FANK1: variants seen among roughly 807,000 people sequenced by gnomAD.
The protein encoded by FANK1 is fibronectin type III and ankyrin repeat domains 1, also known as fibronectin type 3 and ankyrin repeat domains protein 1.
FANK1 carries 44 observed loss-of-function variants against 45.3 expected under a neutral mutation model. That is an observed-to-expected ratio of 0.97 (90% CI 0.76 to 1.25). The LOEUF (loss-of-function observed/expected upper bound fraction) is 1.25, where lower values mean the gene tolerates loss of function less well. Ranked by LOEUF, FANK1 falls within the 50% of genes most tolerant of loss-of-function variation. The pLI, the probability that FANK1 is intolerant of heterozygous loss-of-function variation, is 0.00. For synonymous variants in FANK1, 149 were observed against 152.5 expected (o/e 0.98, Z 0.17); for missense variants, 391 against 424.4 (o/e 0.92, Z 0.69).
intron 1 of FANK1, among the ~76,000 whole-genome samples, chr10:125,954,092 G>GCT (rs1554930191): frequency 2.7e-5 from 4 of 149,626 alleles, no homozygotes; most frequent in South Asian, 4.3e-4. Context: ...TGTGGAGTTG[G>GCT]ACCGTACAAT....
At chr10:125,942,863 G>T in intron 1 of FANK1, among the ~76,000 whole-genome samples, 1 of 143,402 alleles carries the variant, frequency 7.0e-6, no homozygotes, top group African/African-American at 2.6e-5. Context: ...ACCCAGGCTA[G>T]AGTGCAATGG....
At chr10:125,971,493 T>C (rs556437965) in intron 1 of FANK1, among the ~76,000 whole-genome samples, 9 of 151,908 alleles carry the variant, frequency 5.9e-5, no homozygotes, top group Non-Finnish European at 1.0e-4. Context: ...ATTGTCTCAC[T>C]TTTTCTGACC....
Position 125,977,347 on chromosome 10 carries a change from G to T in FANK1, c.14-2814G>T, listed in dbSNP as rs368874194. 1.9e-4 allele frequency among the ~76,000 whole-genome samples: 29 copies of T among 152,268 alleles called. No homozygotes were observed. The East Asian group carries it at 5.6e-3, about 29-fold the overall frequency. On this transcript the variant is annotated intron_variant, in intron 1 of 10. Transcript: ENST00000368693. Reference sequence around the variant, plus strand: ...CTTGTTGTCTCTGGTTTCAGAGGGGGGTATGTTAATGAGGTGTTTTTGGTA... The same window carrying T: ...CTTGTTGTCTCTGGTTTCAGAGGGGTGTATGTTAATGAGGTGTTTTTGGTA...
chr10:125,988,192 C>T (rs1443405065), intron 2 of FANK1, among the ~76,000 whole-genome samples: 1 of 152,184 alleles, frequency 6.6e-6, no homozygotes, highest in Non-Finnish European at 1.5e-5. Flanking sequence ...AGATGGCCCC[C>T]ACTTGAAAAT....
At chr10:125,954,399 C>A (rs1327212174) in intron 1 of FANK1, among the ~76,000 whole-genome samples, 1 of 152,158 alleles carries the variant, frequency 6.6e-6, no homozygotes, top group East Asian at 1.9e-4. Context: ...ATTGTAGATC[C>A]CAAACACTTG....
intron 3 of FANK1, among the ~76,000 whole-genome samples, chr10:125,993,634 C>T (rs894917463): frequency 1.3e-5 from 2 of 152,194 alleles, no homozygotes; most frequent in African/African-American, 2.4e-5. Context: ...TGCCTCCTTT[C>T]TAAGCCCTTC....
chr10:125,940,666 C>T (rs1428205143), intron 1 of FANK1, among the ~76,000 whole-genome samples: 1 of 152,030 alleles, frequency 6.6e-6, no homozygotes, highest in African/African-American at 2.4e-5. Flanking sequence ...TTACAGGTGT[C>T]GGGCTGGGGG....
At chr10:125,924,602 A>G (rs1004885376) in intron 1 of FANK1, among the ~76,000 whole-genome samples, 1 of 152,234 alleles carries the variant, frequency 6.6e-6, no homozygotes, top group African/African-American at 2.4e-5. Flanking sequence ...TTAAGACTAT[A>G]AATTTCCCCA....
intron 1 of FANK1, among the ~76,000 whole-genome samples, chr10:125,901,200 T>C (rs1237080769): frequency 6.6e-6 from 1 of 152,144 alleles, no homozygotes; most frequent in Admixed American, 6.5e-5. Context: ...CCAAACCTGT[T>C]TCTCCACTAG....
At chr10:125,950,267 G>A (rs1949113778) in intron 1 of FANK1, among the ~76,000 whole-genome samples, 1 of 150,952 alleles carries the variant, frequency 6.6e-6, no homozygotes, top group East Asian at 1.9e-4. Context: ...TTGACAAATG[G>A]GATCTAATTA....
chr10:125,920,235 A>G (rs893541615), intron 1 of FANK1, among the ~76,000 whole-genome samples: 14 of 152,198 alleles, frequency 9.2e-5, no homozygotes, highest in Admixed American at 2.6e-4. Context: ...TGGCCTGTAC[A>G]TGTTGCTTTT....
intron 1 of FANK1, among the ~76,000 whole-genome samples, chr10:125,906,384 T>C (rs926341885): frequency 1.3e-5 from 2 of 151,444 alleles, no homozygotes; most frequent in Non-Finnish European, 2.9e-5. Flanking sequence ...GGCATGGTGG[T>C]GTGTGCCTGT....
chr10:125,951,038 A>G (rs1308916676), intron 1 of FANK1, among the ~76,000 whole-genome samples: 2 of 142,662 alleles, frequency 1.4e-5, no homozygotes, highest in Non-Finnish European at 3.0e-5. Flanking sequence ...GTGGGAATTG[A>G]ACAATGAGAT....
chr10:125,920,166 A>C (rs1293694750), intron 1 of FANK1, among the ~76,000 whole-genome samples: 2 of 152,242 alleles, frequency 1.3e-5, no homozygotes, highest in Non-Finnish European at 2.9e-5. Flanking sequence ...CAAACATGAA[A>C]TGTAATTTCA....
intron 3 of FANK1, among the ~76,000 whole-genome samples, chr10:125,992,905 G>A (rs959237987): frequency 3.3e-5 from 5 of 152,154 alleles, no homozygotes; most frequent in African/African-American, 1.2e-4. Flanking sequence ...TACTTATGAT[G>A]TTCATCTGTA....
rs554073447 is a variant in FANK1, at chr10:125,941,400, T to C, written c.14-38761T>C. On this transcript the variant is annotated intron_variant, in intron 1 of 10. Transcript: ENST00000368693. ...GATTTTGCATCTACAGGACTGGCAA[T>C]AATTAAGTCTGATAATGGATTATGG... 3.3e-5 allele frequency among the ~76,000 whole-genome samples: 5 copies of C among 152,330 alleles called. No individual in the cohort carries two copies. The East Asian group carries it at 9.6e-4, about 29-fold the overall frequency.
At chr10:125,941,863 T>G (rs980010294) in intron 1 of FANK1, among the ~76,000 whole-genome samples, 1 of 152,256 alleles carries the variant, frequency 6.6e-6, no homozygotes, top group Non-Finnish European at 1.5e-5. Context: ...GAATTCATAT[T>G]ACAATGTTAT....
rs548745871 is a variant in FANK1, at chr10:125,931,654, T to C, written c.13+34999T>C. On this transcript the variant is annotated intron_variant, in intron 1 of 10. Coordinates refer to ENST00000368693, the MANE Select transcript of FANK1 (RefSeq NM_145235.5). ...ATTGTGAAGATTTTCTCCCACTCTGTGGGTTGTCTATTTACTCTGCTGACT... is the reference window on the plus strand; with the variant it reads ...ATTGTGAAGATTTTCTCCCACTCTGCGGGTTGTCTATTTACTCTGCTGACT... 2.0e-5 allele frequency among the ~76,000 whole-genome samples: 3 copies of C among 151,958 alleles called. No homozygotes were observed. In the East Asian group the frequency reaches 5.8e-4, roughly 29 times the overall value.
At chr10:125,989,077 G>C (rs1951756743) in intron 3 of FANK1, among the ~76,000 whole-genome samples, 1 of 152,126 alleles carries the variant, frequency 6.6e-6, no homozygotes. Flanking sequence ...ACAACCCCAG[G>C]GTGTGCGTCT....
Sources: allele counts gnomAD v4.1 joint callset (sites outside exome capture counted in the v4.1 genomes callset), GRCh38; gene constraint gnomAD v4.1.1; transcripts MANE v1.5; gene names NCBI Gene and HGNC (gene_info 2026-07-23, HGNC 2026-07-21).